Variants in SYN3 observed in about 807,000 individuals in gnomAD.
SYN3 encodes the protein synapsin-3.
In SYN3, 35 loss-of-function variants were observed where a neutral mutation model predicts 65.8. The observed-to-expected ratio is 0.53, with a 90% CI of 0.41 to 0.70. The LOEUF (loss-of-function observed/expected upper bound fraction) is 0.70, where lower values mean the gene tolerates loss of function less well. SYN3 is among the 30% of genes least tolerant of loss of function. SYN3 has a pLI of 0.00. For missense variants in SYN3, 680 were observed against 749.0 expected (o/e 0.91, Z 1.08); for synonymous variants, 270 against 292.9 (o/e 0.92, Z 0.80).
At chr22:32,535,259 T>C (rs1283833647) in intron 9 of SYN3, among the ~76,000 whole-genome samples, 1 of 152,160 alleles carries the variant, frequency 6.6e-6, no homozygotes, top group Non-Finnish European at 1.5e-5. Flanking sequence ...GGGACCTACA[T>C]TCTTGCTATT....
At chr22:32,965,447 C>T (rs1413916140) in intron 3 of SYN3, among the ~76,000 whole-genome samples, 1 of 151,970 alleles carries the variant, frequency 6.6e-6, no homozygotes, top group African/African-American at 2.4e-5. Context: ...CTATTATGTA[C>T]CGAATAAGTG....
intron 3 of SYN3, among the ~76,000 whole-genome samples, chr22:32,963,300 T>C (rs576564231): frequency 6.7e-6 from 1 of 149,590 alleles, no homozygotes; most frequent in East Asian, 2.0e-4. Context: ...TTGACCAGGC[T>C]GGTCTCAAAC....
intron 3 of SYN3, among the ~76,000 whole-genome samples, chr22:32,956,041 C>CACATATATAT (rs541947799): frequency 1.5e-5 from 2 of 130,678 alleles, no homozygotes; most frequent in African/African-American, 6.6e-5. Flanking sequence ...AATAAATTCA[C>CACATATATAT]ATATATATAT....
chr22:32,533,245 A>T (rs1184281111), intron 10 of SYN3, among the ~76,000 whole-genome samples: 1 of 151,642 alleles, frequency 6.6e-6, no homozygotes, highest in Admixed American at 6.6e-5. Flanking sequence ...CCCCTGTACC[A>T]TTCCATCCCC....
chr22:32,944,537 T>A (rs9754454), intron 3 of SYN3, among the ~76,000 whole-genome samples: 1 of 152,134 alleles, frequency 6.6e-6, no homozygotes, highest in African/African-American at 2.4e-5. Flanking sequence ...ATTGATGGGA[T>A]GTATCTCAAA....
At chr22:32,885,980 C>T (rs1391102521) in intron 4 of SYN3, among the ~76,000 whole-genome samples, 3 of 152,172 alleles carry the variant, frequency 2.0e-5, no homozygotes, top group Admixed American at 6.5e-5. Flanking sequence ...AAGCACATGG[C>T]CACCAAACAG....
chr22:32,947,591 T>A (rs1264814339), intron 3 of SYN3: 1 of 152,178 alleles, frequency 6.6e-6, no homozygotes, highest in Non-Finnish European at 1.5e-5. Context: ...AGAATAGGGC[T>A]ATGGGGCCAA....
intron 3 of SYN3, among the ~76,000 whole-genome samples, chr22:32,938,300 G>T (rs11089596): frequency 0.053 from 8,116 of 151,956 alleles, 706 homozygotes; most frequent in African/African-American, 0.18. Context: ...AGGCCGAGGC[G>T]GGTGGATCAC....
At chr22:32,758,482 G>T (rs1280416964) in intron 6 of SYN3, among the ~76,000 whole-genome samples, 1 of 150,372 alleles carries the variant, frequency 6.7e-6, no homozygotes, top group African/African-American at 2.5e-5. Context: ...TATAAAGCAG[G>T]CAGAAAAATG....
intron 6 of SYN3, among the ~76,000 whole-genome samples, chr22:32,654,555 G>A (rs2060116427): frequency 6.6e-6 from 1 of 152,098 alleles, no homozygotes; most frequent in Non-Finnish European, 1.5e-5. Flanking sequence ...CTTTGCCCTG[G>A]CTGGGTCACT....
At chr22:32,896,138 T>C (rs1470727130) in intron 4 of SYN3, among the ~76,000 whole-genome samples, 3 of 152,156 alleles carry the variant, frequency 2.0e-5, no homozygotes, top group Non-Finnish European at 4.4e-5. Flanking sequence ...TATAAAGATA[T>C]ACATGTATAA....
intron 6 of SYN3, among the ~76,000 whole-genome samples, chr22:32,687,956 C>T (rs1601915772): frequency 7.1e-6 from 1 of 141,716 alleles, no homozygotes; most frequent in East Asian, 2.1e-4. Context: ...ACAGCAATCG[C>T]ACAGCCATAG....
chr22:32,594,524 G>A (rs969922776), intron 7 of SYN3, among the ~76,000 whole-genome samples: 3 of 148,634 alleles, frequency 2.0e-5, no homozygotes, highest in Middle Eastern at 3.5e-3. Context: ...TTTCACTCTT[G>A]TTGCCCAGGC....
At chr22:32,864,788 G>T (rs1311522908) in intron 6 of SYN3, 127 bp downstream of exon 6, 7 of 840,002 alleles carry the variant, frequency 8.3e-6, no homozygotes, top group Non-Finnish European at 1.2e-5. Context: ...CTGTGACTCC[G>T]CCTTAGAGTC....
chr22:32,989,693 G>C (rs1367756394), intron 2 of SYN3, among the ~76,000 whole-genome samples: 1 of 149,102 alleles, frequency 6.7e-6, no homozygotes, highest in Non-Finnish European at 1.5e-5. Flanking sequence ...AAATTAGCCG[G>C]GCATGGTGGC....
intron 3 of SYN3, chr22:32,947,414 A>G (rs2051146997): frequency 6.6e-6 from 1 of 152,192 alleles, no homozygotes; most frequent in Non-Finnish European, 1.5e-5. Flanking sequence ...AATACTTATC[A>G]CCAAAATTTT....
At chr22:32,811,755 T>C (rs2046922374) in intron 6 of SYN3, among the ~76,000 whole-genome samples, 1 of 152,184 alleles carries the variant, frequency 6.6e-6, no homozygotes, top group South Asian at 2.1e-4. Context: ...GTTCTGTGGC[T>C]TAGCCATATA....
intron 6 of SYN3, among the ~76,000 whole-genome samples, chr22:32,765,986 C>G (rs1426787803): frequency 1.3e-5 from 2 of 152,184 alleles, no homozygotes; most frequent in African/African-American, 4.8e-5. Context: ...TCTTCCAGCT[C>G]TTTGTCCAGA....
At chr22:32,543,157 C>A (rs889672318) in intron 7 of SYN3, among the ~76,000 whole-genome samples, 4 of 152,180 alleles carry the variant, frequency 2.6e-5, no homozygotes, top group African/African-American at 7.2e-5. Flanking sequence ...CACAAGAATG[C>A]CCACTCACAT....
Sources: allele counts gnomAD v4.1 joint callset (sites outside exome capture counted in the v4.1 genomes callset), GRCh38; gene constraint gnomAD v4.1.1; transcripts MANE v1.5; gene names NCBI Gene and HGNC (gene_info 2026-07-23, HGNC 2026-07-21).